PCDHA4: variants seen among roughly 807,000 people sequenced by gnomAD.
PCDHA4 encodes protocadherin alpha 4.
PCDHA4 carries 49 observed loss-of-function variants against 61.4 expected under a neutral mutation model. That is an observed-to-expected ratio of 0.80 (90% confidence interval 0.63 to 1.01). The LOEUF is 1.01. Among genes scored for constraint, PCDHA4 ranks in the 50% least tolerant of loss-of-function variants. The probability of loss-of-function intolerance (pLI) is 0.00; values close to 1 mark genes in which losing one functional copy is unlikely to be tolerated. For synonymous variants in PCDHA4, 590 were observed against 550.3 expected, an observed-to-expected ratio of 1.07 and a Z score of -1.01; for missense variants, 1,254 against 1,235.8, an observed-to-expected ratio of 1.01 and a Z score of -0.22.
intron 1 of PCDHA4, among the ~76,000 whole-genome samples, chr5:140,899,650 T>C (rs1174353279): frequency 5.3e-5 from 8 of 152,192 alleles, no homozygotes; most frequent in African/African-American, 1.7e-4. Flanking sequence ...TCTTATTTGG[T>C]TGTGTCTCTG....
intron 1 of PCDHA4, chr5:140,859,449 A>T (rs1319113076): frequency 4.5e-6 from 1 of 222,150 alleles, no homozygotes; most frequent in Non-Finnish European, 8.6e-6. Context: ...TTAGTTGCAG[A>T]GTGACAAAAC....
At chr5:140,827,455 G>C (rs1173734499) in intron 1 of PCDHA4, among the ~76,000 whole-genome samples, 1 of 152,188 alleles carries the variant, frequency 6.6e-6, no homozygotes, top group African/African-American at 2.4e-5. Flanking sequence ...AGAACCTTAA[G>C]AGCATCTGAT....
Position 141,011,847 on chromosome 5 carries a change from T to C in PCDHA4, c.*1910T>C, listed in dbSNP as rs745912784. 2.0e-5 allele frequency: 3 copies of C among 153,780 alleles called. No individual in the cohort carries two copies. Among genetic ancestry groups the C allele is most frequent in the Non-Finnish European group, 4.4e-5 (3 of 68,052 alleles). The allele number at this position is 153,780 out of a possible 1,614,324, so 9.5% of individuals were successfully genotyped here. ...ATTTGCTGTCACCTTAAATAAGACA[T>C]TTTAATTTTGTTATAATGTACAATT... On this transcript the variant is annotated 3_prime_UTR_variant, in exon 4 of 4. Coordinates refer to ENST00000530339, the MANE Select transcript of PCDHA4 (RefSeq NM_018907.4).
At chr5:140,821,906 T>G (rs2150111848) in intron 1 of PCDHA4, 2 of 1,614,228 alleles carry the variant, frequency 1.2e-6, no homozygotes, top group Non-Finnish European at 1.7e-6. Flanking sequence ...GGAACCTTCG[T>G]TGGCCGCATC....
Position 140,823,863 on chromosome 5 carries a change from C to A in PCDHA4, c.2385+14291C>A, listed in dbSNP as rs139591086. 8 of 1,613,882 alleles carry A rather than the reference C, an allele frequency of 5.0e-6. No individual in the cohort carries two copies. In the African/African-American group the frequency reaches 8.0e-5, roughly 16 times the overall value. On this transcript the variant is annotated intron_variant, in intron 1 of 3. Transcript: ENST00000530339. ...CCGAGGCTGCCCTGGTGGATGTCAA[C>A]GTGTACCTGATCATCGCCATCTGTG... is the stretch of plus-strand genomic sequence containing the variant.
intron 3 of PCDHA4, among the ~76,000 whole-genome samples, chr5:141,002,678 C>T (rs1361402849): frequency 6.6e-6 from 1 of 152,136 alleles, no homozygotes; most frequent in Non-Finnish European, 1.5e-5. Context: ...AAAACCTATA[C>T]GACGTGCAGA....
rs1554128830 is a variant in PCDHA4 at position 140,822,720 on chromosome 5, T to C, written c.2385+13148T>C. 3 of 1,612,092 alleles carry C rather than the reference T, an allele frequency of 1.9e-6. No individual in the cohort carries two copies. The South Asian group carries it at 3.3e-5, about 18-fold the overall frequency. On this transcript the variant is annotated intron_variant, in intron 1 of 3. Coordinates refer to ENST00000530339, the MANE Select transcript of PCDHA4 (RefSeq NM_018907.4). ...TGGATTATGAAGACTATAACTCATA[T>C]GAAATTAATATTGATGCCATGGATA...
At chr5:140,872,054 C>T (rs970445290) in intron 1 of PCDHA4, among the ~76,000 whole-genome samples, 2 of 152,238 alleles carry the variant, frequency 1.3e-5, no homozygotes, top group East Asian at 3.8e-4. Flanking sequence ...CCCACTTCAG[C>T]CTCCAGAGTA....
intron 1 of PCDHA4, chr5:140,829,898 T>C (rs2150177238): frequency 2.5e-6 from 4 of 1,613,830 alleles, no homozygotes; most frequent in African/African-American, 2.7e-5. Context: ...CGACTCAGGC[T>C]ACAACGCGTG....
chr5:140,996,785 C>G (rs1423473534), intron 3 of PCDHA4, among the ~76,000 whole-genome samples: 2 of 152,148 alleles, frequency 1.3e-5, no homozygotes, highest in Admixed American at 6.5e-5. Context: ...TAGTGCCTCA[C>G]TCCCTACATC....
intron 1 of PCDHA4, among the ~76,000 whole-genome samples, chr5:140,976,307 T>C (rs955106939): frequency 6.6e-6 from 1 of 152,100 alleles, no homozygotes; most frequent in African/African-American, 2.4e-5. Flanking sequence ...TCCCAGCACT[T>C]TGGGAGGCCG....
intron 3 of PCDHA4, among the ~76,000 whole-genome samples, chr5:141,008,809 C>A (rs1397377778): frequency 6.6e-6 from 1 of 152,160 alleles, no homozygotes; most frequent in African/African-American, 2.4e-5. Flanking sequence ...CAAATAGGCT[C>A]AATTTACAAC....
chr5:140,882,209 A>T, intron 1 of PCDHA4: 1 of 1,531,724 alleles, frequency 6.5e-7, no homozygotes, highest in Non-Finnish European at 8.8e-7. Context: ...GCCTTGAGAG[A>T]CAGTTTGAGG....
At chr5:140,981,859 C>A (rs2096954450) in intron 2 of PCDHA4, among the ~76,000 whole-genome samples, 1 of 152,118 alleles carries the variant, frequency 6.6e-6, no homozygotes, top group African/African-American at 2.4e-5. Flanking sequence ...TCACTCCCAG[C>A]AATGTTTTAT....
At chr5:140,993,795 C>T (rs1301191394) in intron 3 of PCDHA4, among the ~76,000 whole-genome samples, 2 of 152,128 alleles carry the variant, frequency 1.3e-5, no homozygotes, top group African/African-American at 2.4e-5. Flanking sequence ...ACATGCTGTG[C>T]AGGTTTGTAG....
chr5:140,926,943 T>C (rs2083677139), intron 1 of PCDHA4: 1 of 1,587,096 alleles, frequency 6.3e-7, no homozygotes, highest in Non-Finnish European at 8.6e-7. Context: ...CCTGCGGCGC[T>C]GCAGCGGGAC....
intron 1 of PCDHA4, among the ~76,000 whole-genome samples, chr5:140,977,021 A>G (rs1249097233): frequency 1.3e-5 from 2 of 152,190 alleles, no homozygotes; most frequent in East Asian, 3.8e-4. Context: ...ATTCTGTCAA[A>G]TGAATCTAAG....
At chr5:140,855,863 C>A in intron 1 of PCDHA4, 2 of 763,578 alleles carry the variant, frequency 2.6e-6, no homozygotes, top group Non-Finnish European at 4.1e-6. Flanking sequence ...ATGTCGCTGT[C>A]GTCCACAAAA....
intron 3 of PCDHA4, among the ~76,000 whole-genome samples, chr5:141,004,805 A>G (rs1588069791): frequency 6.6e-6 from 1 of 152,310 alleles, no homozygotes; most frequent in African/African-American, 2.4e-5. Flanking sequence ...GCTGAGCTCA[A>G]TTGCAGATTT....
Sources: gnomAD v4.1 joint callset for allele counts (sites outside exome capture counted in the v4.1 genomes callset) on GRCh38, gnomAD v4.1.1 for gene constraint, MANE v1.5 for transcripts, NCBI Gene and HGNC (gene_info 2026-07-23, HGNC 2026-07-21) for gene names.